The following IMMP2L variants were observed in gnomAD, a reference collection of about 807,000 sequenced individuals.
IMMP2L encodes inner mitochondrial membrane peptidase subunit 2, also known as mitochondrial inner membrane protease subunit 2.
A neutral mutation model predicts 19.3 loss-of-function variants in IMMP2L; 18 were observed. That is an observed-to-expected ratio of 0.93 (90% CI 0.64 to 1.38). The LOEUF (loss-of-function observed/expected upper bound fraction) is 1.38, where lower values mean the gene tolerates loss of function less well. Among genes scored for constraint, IMMP2L ranks in the 40% most tolerant of loss-of-function variants. The pLI, the probability that IMMP2L is intolerant of heterozygous loss-of-function variation, is 0.00. For synonymous variants in IMMP2L, 76 were observed against 73.0 expected (o/e 1.04, Z -0.21); for missense variants, 233 against 218.2 (o/e 1.07, Z -0.43).
At chr7:110,679,831 T>A (rs1427246421) in intron 5 of IMMP2L, among the ~76,000 whole-genome samples, 1 of 152,172 alleles carries the variant, frequency 6.6e-6, no homozygotes, top group Admixed American at 6.5e-5. Flanking sequence ...AAGTAACAAC[T>A]ACAAAGACCA....
At chr7:110,919,711 G>C (rs1436321118) in intron 4 of IMMP2L, among the ~76,000 whole-genome samples, 1 of 151,984 alleles carries the variant, frequency 6.6e-6, no homozygotes, top group African/African-American at 2.4e-5. Context: ...GTACCATTGT[G>C]AGCTAAGGCA....
At chr7:111,055,740 A>G (rs1446430412) in intron 3 of IMMP2L, among the ~76,000 whole-genome samples, 3 of 152,226 alleles carry the variant, frequency 2.0e-5, no homozygotes, top group Admixed American at 6.5e-5. Flanking sequence ...TAATGGGTAG[A>G]GGGATGAGGA....
intron 3 of IMMP2L, chr7:111,390,649 A>G (rs1584920519): frequency 6.6e-6 from 1 of 152,130 alleles, no homozygotes; most frequent in Non-Finnish European, 1.5e-5. Context: ...CATTGTTTAA[A>G]CAACAAATTT....
In IMMP2L at chr7:111,034,427, TA is replaced by T. The variant is rs553674571; in HGVS notation, c.240-70863del. On this transcript the variant is annotated intron_variant, in intron 3 of 5. Coordinates refer to ENST00000405709, the MANE Select transcript of IMMP2L (RefSeq NM_032549.4). ...GATTCAGAGAAACCTTGCAAAGAAT[TA>T]CGAATGAGTTGCGTCTTAAGAGGTG... Among the ~76,000 whole-genome samples the T allele has an allele frequency of 3.9e-5, 6 of 152,222 alleles. No homozygotes were observed. In the South Asian group the frequency reaches 1.2e-3, roughly 32 times the overall value.
intron 3 of IMMP2L, chr7:111,124,604 C>A: frequency 6.2e-7 from 1 of 1,613,938 alleles, no homozygotes; most frequent in Non-Finnish European, 8.5e-7. Flanking sequence ...AATGTCACCA[C>A]CAAAGGTTTG....
At chr7:111,455,523 TGCA>T (rs1417942377) in intron 3 of IMMP2L, among the ~76,000 whole-genome samples, 9 of 133,586 alleles carry the variant, frequency 6.7e-5, no homozygotes, top group Admixed American at 1.6e-4. Context: ...AATAAAATAC[TGCA>T]GCATCAATAT....
chr7:111,480,332 A>G (rs554517409), intron 3 of IMMP2L, among the ~76,000 whole-genome samples: 2 of 152,080 alleles, frequency 1.3e-5, no homozygotes, highest in African/African-American at 4.8e-5. Context: ...CACCTGCCTC[A>G]GCCTCCCAAA....
At chr7:111,348,581 C>G (rs1458332839) in intron 3 of IMMP2L, among the ~76,000 whole-genome samples, 3 of 152,050 alleles carry the variant, frequency 2.0e-5, no homozygotes, top group Non-Finnish European at 4.4e-5. Context: ...TAAAGAAAAC[C>G]TGCAAAATTG....
intron 3 of IMMP2L, among the ~76,000 whole-genome samples, chr7:110,987,207 A>G (rs1265716594): frequency 6.6e-6 from 1 of 152,180 alleles, no homozygotes; most frequent in Non-Finnish European, 1.5e-5. Context: ...AATAATATAT[A>G]ATACTTATAA....
At chr7:111,254,623 A>G (rs1816501503) in intron 3 of IMMP2L, among the ~76,000 whole-genome samples, 1 of 152,168 alleles carries the variant, frequency 6.6e-6, no homozygotes, top group African/African-American at 2.4e-5. Flanking sequence ...GAAAAAAATC[A>G]AGTCACATAT....
At chr7:111,136,736 G>T (rs1325165380) in intron 3 of IMMP2L, among the ~76,000 whole-genome samples, 2 of 152,140 alleles carry the variant, frequency 1.3e-5, no homozygotes, top group South Asian at 4.1e-4. Flanking sequence ...AATTCTACTT[G>T]ATCCCAAATG....
chr7:111,105,522 C>T (rs1798445473), intron 3 of IMMP2L, among the ~76,000 whole-genome samples: 1 of 151,848 alleles, frequency 6.6e-6, no homozygotes, highest in Admixed American at 6.6e-5. Context: ...CCTTATTCTG[C>T]AAATCACAAA....
chr7:111,486,852 A>G (rs1842695974), intron 3 of IMMP2L, among the ~76,000 whole-genome samples: 1 of 152,164 alleles, frequency 6.6e-6, no homozygotes, highest in South Asian at 2.1e-4. Flanking sequence ...TTTTCATGTC[A>G]TAATTATCAC....
chr7:111,014,796 C>T (rs1476005018), intron 3 of IMMP2L, among the ~76,000 whole-genome samples: 1 of 152,108 alleles, frequency 6.6e-6, no homozygotes, highest in East Asian at 1.9e-4. Context: ...ATATGACATA[C>T]AAATGGCCAA....
At chr7:111,381,091 C>T (rs902764418) in intron 3 of IMMP2L, among the ~76,000 whole-genome samples, 2 of 151,912 alleles carry the variant, frequency 1.3e-5, no homozygotes, top group African/African-American at 4.8e-5. Context: ...AAACACCACG[C>T]GAACTGTTGT....
intron 5 of IMMP2L, among the ~76,000 whole-genome samples, chr7:110,780,259 T>C (rs572522870): frequency 8.6e-5 from 13 of 151,244 alleles, no homozygotes; most frequent in Non-Finnish European, 1.5e-4. Context: ...ATTCCTATAA[T>C]TGAATTAGAA....
intron 3 of IMMP2L, among the ~76,000 whole-genome samples, chr7:110,969,689 A>G (rs2129556374): frequency 6.6e-6 from 1 of 152,204 alleles, no homozygotes; most frequent in East Asian, 1.9e-4. Flanking sequence ...ATAGAGTCAA[A>G]TTTCAAGCAA....
chr7:111,456,300 T>C (rs1428785745), intron 3 of IMMP2L, among the ~76,000 whole-genome samples: 1 of 151,986 alleles, frequency 6.6e-6, no homozygotes, highest in African/African-American at 2.4e-5. Context: ...TAAAGCAAAA[T>C]AATAAAAATG....
intron 3 of IMMP2L, among the ~76,000 whole-genome samples, chr7:111,082,487 T>C (rs139021323): frequency 1.3e-5 from 2 of 152,320 alleles, no homozygotes; most frequent in Admixed American, 6.5e-5. Context: ...CTTTCTCAGC[T>C]CCATAATGCA....
Sources: gnomAD v4.1 joint callset for allele counts (sites outside exome capture counted in the v4.1 genomes callset) on GRCh38, gnomAD v4.1.1 for gene constraint, MANE v1.5 for transcripts, NCBI Gene and HGNC (gene_info 2026-07-23, HGNC 2026-07-21) for gene names.